ABTB3: variants seen among roughly 807,000 people sequenced by gnomAD.
ABTB3 encodes the protein ankyrin repeat and BTB domain containing 3.
chr12:107,423,171 T>C, the ABTB3 span, among the ~76,000 whole-genome samples: 3 of 152,164 alleles, frequency 2.0e-5, no homozygotes, highest in African/African-American at 7.2e-5. Context: ...ACGAATACTA[T>C]GTAGGCAAAA....
chr12:107,433,102 G>A, the ABTB3 span, among the ~76,000 whole-genome samples: 2 of 151,396 alleles, frequency 1.3e-5, no homozygotes, highest in African/African-American at 2.4e-5. Flanking sequence ...TGGCTAACAA[G>A]GTGAAACCCC....
chr12:107,516,165 A>C, the ABTB3 span, among the ~76,000 whole-genome samples: 1 of 152,052 alleles, frequency 6.6e-6, no homozygotes, highest in Non-Finnish European at 1.5e-5. Flanking sequence ...AAATCCATTG[A>C]CTAATTTCCT....
At chr12:107,520,790 A>C in the ABTB3 span, among the ~76,000 whole-genome samples, 2 of 152,202 alleles carry the variant, frequency 1.3e-5, no homozygotes, top group African/African-American at 2.4e-5. Flanking sequence ...TACACTAAAC[A>C]ATGCCAGTGG....
chr12:107,645,462 A>G, the ABTB3 span, among the ~76,000 whole-genome samples: 4 of 152,164 alleles, frequency 2.6e-5, no homozygotes, highest in African/African-American at 9.7e-5. Flanking sequence ...TGCTGCTCCT[A>G]GCAGAGCTGA....
At chr12:107,635,873 CA>C in the ABTB3 span, among the ~76,000 whole-genome samples, 61 of 94,844 alleles carry the variant, frequency 6.4e-4, no homozygotes, top group African/African-American at 3.1e-3. Flanking sequence ...CACCCACCCA[CA>C]CACACACACA....
At chr12:107,654,624 G>A in the ABTB3 span, among the ~76,000 whole-genome samples, 1 of 152,010 alleles carries the variant, frequency 6.6e-6, no homozygotes, top group Non-Finnish European at 1.5e-5. Context: ...CAGTTATTTG[G>A]GGGTATATTC....
chr12:107,408,138 C>T, the ABTB3 span, among the ~76,000 whole-genome samples: 1 of 151,990 alleles, frequency 6.6e-6, no homozygotes, highest in Non-Finnish European at 1.5e-5. Context: ...AAAATGTGTG[C>T]GGCTTTGTGA....
chr12:107,468,027 G>A, the ABTB3 span, among the ~76,000 whole-genome samples: 3 of 152,130 alleles, frequency 2.0e-5, no homozygotes, highest in Admixed American at 2.0e-4. Context: ...TCATTGCCTT[G>A]GCTTGAAAGA....
chr12:107,404,748 A>G, the ABTB3 span, among the ~76,000 whole-genome samples: 1 of 152,030 alleles, frequency 6.6e-6, no homozygotes, highest in South Asian at 2.1e-4. Flanking sequence ...GCCTGCCCTG[A>G]TGGATGGCAC....
chr12:107,470,554 AG>A, the ABTB3 span, among the ~76,000 whole-genome samples: 1 of 152,198 alleles, frequency 6.6e-6, no homozygotes, highest in African/African-American at 2.4e-5. Flanking sequence ...CGGTGTGGGC[AG>A]TGCAGCCACA....
the ABTB3 span, among the ~76,000 whole-genome samples, chr12:107,564,606 G>A: frequency 6.6e-6 from 1 of 152,190 alleles, no homozygotes; most frequent in Non-Finnish European, 1.5e-5. Context: ...TCTAGCTCCA[G>A]AGCCTGCACT....
At chr12:107,594,506 A>T in the ABTB3 span, among the ~76,000 whole-genome samples, 18 of 152,308 alleles carry the variant, frequency 1.2e-4, no homozygotes, top group South Asian at 3.7e-3. Flanking sequence ...CAAGTGTTAC[A>T]TACTCCATTT....
the ABTB3 span, among the ~76,000 whole-genome samples, chr12:107,626,343 C>CTTTTTTTTTTTTTTTTTT: frequency 6.2e-5 from 7 of 112,528 alleles, 1 homozygote; most frequent in East Asian, 5.5e-4. Flanking sequence ...CTATCGTCAT[C>CTTTTTTTTTTTTTTTTTT]TTTTTTTTTT....
At chr12:107,368,889 C>A in the ABTB3 span, among the ~76,000 whole-genome samples, 2 of 152,216 alleles carry the variant, frequency 1.3e-5, no homozygotes, top group Non-Finnish European at 2.9e-5. Flanking sequence ...CTGGTTTCCA[C>A]TTCTGTGACC....
the ABTB3 span, among the ~76,000 whole-genome samples, chr12:107,483,727 C>T: frequency 6.6e-6 from 1 of 152,084 alleles, no homozygotes; most frequent in South Asian, 2.1e-4. Context: ...CACTCTGTCA[C>T]CCAGGCTGGA....
the ABTB3 span, among the ~76,000 whole-genome samples, chr12:107,417,262 C>A: frequency 3.3e-5 from 5 of 152,162 alleles, no homozygotes; most frequent in Non-Finnish European, 7.3e-5. Flanking sequence ...TGTTAGTATC[C>A]TAGAGCTGCC....
At chr12:107,477,674 A>G in the ABTB3 span, among the ~76,000 whole-genome samples, 2 of 152,230 alleles carry the variant, frequency 1.3e-5, no homozygotes, top group African/African-American at 4.8e-5. Context: ...ACCAACACGC[A>G]TAAAACAGTT....
the ABTB3 span, among the ~76,000 whole-genome samples, chr12:107,518,659 G>A: frequency 2.3e-4 from 35 of 151,616 alleles, no homozygotes; most frequent in Non-Finnish European, 4.7e-4. Context: ...TGTAAATGAC[G>A]AGTTAATGGG....
chr12:107,564,471 A>G, the ABTB3 span, among the ~76,000 whole-genome samples: 5 of 152,172 alleles, frequency 3.3e-5, no homozygotes, highest in Non-Finnish European at 7.3e-5. Context: ...TGAGCTAGGC[A>G]TGCCTGCAGG....
Sources: allele counts gnomAD v4.1 joint callset (sites outside exome capture counted in the v4.1 genomes callset), GRCh38; gene constraint gnomAD v4.1.1; transcripts MANE v1.5; gene names NCBI Gene and HGNC (gene_info 2026-07-23, HGNC 2026-07-21).